Variants in ADAMTS6 observed in about 807,000 individuals in gnomAD.
The protein encoded by ADAMTS6 is A disintegrin and metalloproteinase with thrombospondin motifs 6.
Under a neutral mutation model 144.3 loss-of-function variants are expected in ADAMTS6, and 23 were observed. That is an observed-to-expected ratio of 0.16 (90% CI 0.11 to 0.23). ADAMTS6 has a LOEUF of 0.23. ADAMTS6 is among the 10% of genes least tolerant of loss of function. The pLI, the probability that ADAMTS6 is intolerant of heterozygous loss-of-function variation, is 1.00. For missense variants in ADAMTS6, 999 were observed against 1,379.6 expected, an observed-to-expected ratio of 0.72 and a Z score of 4.37; for synonymous variants, 444 against 457.5, an observed-to-expected ratio of 0.97 and a Z score of 0.38.
At chr5:65,348,872 T>C (rs1748590146) in intron 7 of ADAMTS6, among the ~76,000 whole-genome samples, 2 of 152,090 alleles carry the variant, frequency 1.3e-5, no homozygotes, top group African/African-American at 4.8e-5. Flanking sequence ...TTAAAAACTA[T>C]ACTTGATACC....
At chr5:65,330,860 T>C (rs1327075830) in intron 8 of ADAMTS6, among the ~76,000 whole-genome samples, 2 of 152,056 alleles carry the variant, frequency 1.3e-5, no homozygotes, top group East Asian at 1.9e-4. Flanking sequence ...TATTGGGACC[T>C]GAAAAAGAGA....
intron 14 of ADAMTS6, among the ~76,000 whole-genome samples, chr5:65,249,765 T>C (rs997383637): frequency 1.3e-5 from 2 of 152,166 alleles, no homozygotes; most frequent in Admixed American, 1.3e-4. Context: ...CACATATTTG[T>C]TTTCTAATTA....
intron 21 of ADAMTS6, among the ~76,000 whole-genome samples, chr5:65,196,580 T>C (rs1390135698): frequency 7.8e-6 from 1 of 127,680 alleles, no homozygotes; most frequent in East Asian, 2.2e-4. Context: ...AGGACAAATA[T>C]GTAGAAAAGA....
At chr5:65,402,924 T>C (rs527270528) in intron 7 of ADAMTS6, among the ~76,000 whole-genome samples, 5 of 152,280 alleles carry the variant, frequency 3.3e-5, no homozygotes, top group Admixed American at 1.3e-4. Context: ...ACAAAACCCA[T>C]TGAATAAGTT....
At chr5:65,179,068 G>A (rs1470096311) in intron 22 of ADAMTS6, among the ~76,000 whole-genome samples, 1 of 152,054 alleles carries the variant, frequency 6.6e-6, no homozygotes, top group African/African-American at 2.4e-5. Flanking sequence ...GTCACACCCG[G>A]AAGCTGACTG....
chr5:65,270,147 A>G (rs750911776), intron 12 of ADAMTS6, among the ~76,000 whole-genome samples: 3 of 152,150 alleles, frequency 2.0e-5, no homozygotes, highest in Non-Finnish European at 4.4e-5. Context: ...CTGGGATGTC[A>G]ATTATTTTTA....
chr5:65,321,181 T>A (rs189819931), intron 9 of ADAMTS6, among the ~76,000 whole-genome samples: 1 of 152,318 alleles, frequency 6.6e-6, no homozygotes, highest in East Asian at 1.9e-4. Context: ...TGTATAAGCA[T>A]TCCTTTTTCT....
chr5:65,472,781 G>A (rs1328208708), intron 2 of ADAMTS6, among the ~76,000 whole-genome samples: 5 of 152,060 alleles, frequency 3.3e-5, no homozygotes. Flanking sequence ...AATAATTAGA[G>A]TTCATACTAA....
intron 11 of ADAMTS6, among the ~76,000 whole-genome samples, chr5:65,285,093 C>G (rs994693353): frequency 2.0e-5 from 3 of 152,064 alleles, no homozygotes; most frequent in African/African-American, 7.2e-5. Flanking sequence ...TTTATAAAAG[C>G]CTTTAATTTT....
At chr5:65,404,331 T>A (rs1754228895) in intron 7 of ADAMTS6, among the ~76,000 whole-genome samples, 1 of 152,080 alleles carries the variant, frequency 6.6e-6, no homozygotes, top group African/African-American at 2.4e-5. Context: ...GTGTGTTATA[T>A]TCCCCATCCT....
Position 65,340,765 on chromosome 5 carries a change from G to A in ADAMTS6, c.1074-6680C>T, listed in dbSNP as rs371920207. The stretch of plus-strand genomic sequence containing the variant: ...TAAAAACAGGTATTCCATGCAAACC[G>A]AAACCAAAAGAGAGCAGGTATACCT... On this transcript the variant is annotated intron_variant, in intron 7 of 24. Coordinates refer to ENST00000381055, the MANE Select transcript of ADAMTS6 (RefSeq NM_197941.4). Among the ~76,000 whole-genome samples the A allele has an allele frequency of 3.3e-5, 5 of 151,590 alleles. No homozygotes were observed. The South Asian group carries it at 6.2e-4, about 19-fold the overall frequency.
rs1211598939 is a variant in ADAMTS6, at chr5:65,296,298, C to T, written c.1370+3687G>A. On this transcript the variant is annotated intron_variant, in intron 10 of 24. Transcript: ENST00000381055. ...AGTCAACTGTCTTACGTACTATAGT[C>T]TCATAAACTGCTTTGTCAGTCTTCT... Among the ~76,000 whole-genome samples, 3 of 152,142 alleles carry T rather than the reference C, an allele frequency of 2.0e-5. No homozygotes were observed. The South Asian group carries it at 6.2e-4, about 31-fold the overall frequency.
chr5:65,234,087 A>T (rs2112453687), intron 15 of ADAMTS6, among the ~76,000 whole-genome samples: 1 of 151,642 alleles, frequency 6.6e-6, no homozygotes, highest in South Asian at 2.1e-4. Flanking sequence ...GCAAAAAAAA[A>T]AAAAAAGAAT....
chr5:65,341,716 G>C (rs967034835), intron 7 of ADAMTS6, among the ~76,000 whole-genome samples: 2 of 152,004 alleles, frequency 1.3e-5, no homozygotes, highest in African/African-American at 2.4e-5. Flanking sequence ...TTCTAAGAAA[G>C]AAAAGTCCAA....
chr5:65,281,922 A>G (rs1236824958), intron 11 of ADAMTS6, among the ~76,000 whole-genome samples: 1 of 152,160 alleles, frequency 6.6e-6, no homozygotes, highest in Non-Finnish European at 1.5e-5. Context: ...AAGAAACTAT[A>G]TACGTTAAAC....
At chr5:65,426,191 C>T (rs1756514810) in intron 7 of ADAMTS6, among the ~76,000 whole-genome samples, 1 of 151,542 alleles carries the variant, frequency 6.6e-6, no homozygotes, top group Non-Finnish European at 1.5e-5. Flanking sequence ...GGATTACAGG[C>T]ACCTGCCACC....
In ADAMTS6 at chr5:65,250,681, T is replaced by C. The variant is rs144790662; in HGVS notation, c.1831-8475A>G. The stretch of plus-strand genomic sequence containing the variant: ...TCCATCCCAGCCAAAGTGGAGCTTA[T>C]ATGTTTCACCAGAAGTTCTATCATA... On this transcript the variant is annotated intron_variant, in intron 14 of 24. Transcript: ENST00000381055. 3.4e-3 allele frequency among the ~76,000 whole-genome samples: 519 copies of C among 152,304 alleles called. 3 individuals are homozygous for C. The highest frequency in any genetic ancestry group is 0.012 in the African/African-American group (497 of 41,552).
chr5:65,438,711 T>A (rs1230591356), intron 7 of ADAMTS6, among the ~76,000 whole-genome samples: 12 of 152,322 alleles, frequency 7.9e-5, no homozygotes, highest in African/African-American at 2.9e-4. Flanking sequence ...GCTGCAGATA[T>A]AGTATGTACT....
At chr5:65,299,927 C>A in intron 10 of ADAMTS6, 58 bp downstream of exon 10, 4 of 1,560,966 alleles carry the variant, frequency 2.6e-6, no homozygotes, top group Non-Finnish European at 2.6e-6. Flanking sequence ...ACATGTTAGG[C>A]TTCTACCAGT....
Sources: allele counts gnomAD v4.1 joint callset (sites outside exome capture counted in the v4.1 genomes callset), GRCh38; gene constraint gnomAD v4.1.1; transcripts MANE v1.5; gene names NCBI Gene and HGNC (gene_info 2026-07-23, HGNC 2026-07-21).